SYNPR: variants seen among roughly 807,000 people sequenced by gnomAD.
SYNPR encodes synaptoporin.
SYNPR carries 23 observed loss-of-function variants against 32.9 expected under a neutral mutation model. The observed-to-expected ratio is 0.70, with a 90% CI of 0.50 to 0.99. SYNPR has a LOEUF of 0.99. SYNPR is among the 50% of genes least tolerant of loss of function. The probability of loss-of-function intolerance (pLI) is 0.00; values close to 1 mark genes in which losing one functional copy is unlikely to be tolerated. For missense variants in SYNPR, 318 were observed against 349.3 expected (o/e 0.91, Z 0.71); for synonymous variants, 146 against 135.9 (o/e 1.07, Z -0.52).
At chr3:63,241,405 C>A (rs1426777584) in intron 1 of SYNPR, among the ~76,000 whole-genome samples, 1 of 152,112 alleles carries the variant, frequency 6.6e-6, no homozygotes, top group Admixed American at 6.6e-5. Context: ...GGACTTCTTA[C>A]CAACCCCAGA....
In SYNPR at chr3:63,609,313, T is replaced by C. The variant is rs1324328357; in HGVS notation, c.597T>C (p.Ser199=). 4 of 1,563,960 alleles carry C rather than the reference T, an allele frequency of 2.6e-6. No individual in the cohort carries two copies. The highest frequency in any genetic ancestry group is 1.2e-5 in the South Asian group (1 of 83,260). Residue 199 remains serine (S), a synonymous_variant, in exon 5 of 6, where the codon TCT becomes TCC. Coordinates refer to ENST00000478300, the MANE Select transcript of SYNPR (RefSeq NM_001130003.2). ...HSPVMSSLNT[S]VVFGFLNFIL... Reference sequence around the variant, plus strand: ...CTGTTATGTCAAGCTTAAACACTTCTGTGGTAAGTATTTTTCATCTATGCT... The same window carrying C: ...CTGTTATGTCAAGCTTAAACACTTCCGTGGTAAGTATTTTTCATCTATGCT...
At chr3:63,409,280 C>A (rs552029155) in intron 2 of SYNPR, among the ~76,000 whole-genome samples, 13 of 152,074 alleles carry the variant, frequency 8.5e-5, no homozygotes, top group Admixed American at 7.9e-4. Context: ...AACTAAACAT[C>A]GATTTTTTTT....
At chr3:63,218,290 G>A in the SYNPR span, among the ~76,000 whole-genome samples, 1 of 152,156 alleles carries the variant, frequency 6.6e-6, no homozygotes, top group East Asian at 1.9e-4. Flanking sequence ...CCACACCAGC[G>A]TTTTGCTGTT....
chr3:63,222,313 A>G, the SYNPR span, among the ~76,000 whole-genome samples: 1 of 151,986 alleles, frequency 6.6e-6, no homozygotes, highest in African/African-American at 2.4e-5. Context: ...ATTTAGATAA[A>G]CTGATCCAGA....
At chr3:63,544,870 A>G (rs972090564) in intron 3 of SYNPR, among the ~76,000 whole-genome samples, 2 of 151,398 alleles carry the variant, frequency 1.3e-5, no homozygotes, top group Admixed American at 6.6e-5. Flanking sequence ...ATCTCATTCA[A>G]ACTTCACACA....
intron 2 of SYNPR, among the ~76,000 whole-genome samples, chr3:63,441,709 T>A (rs1279890973): frequency 6.6e-6 from 1 of 151,942 alleles, no homozygotes; most frequent in Non-Finnish European, 1.5e-5. Flanking sequence ...GAGGAAAAGG[T>A]TCCTATCAGA....
chr3:63,277,698 G>C (rs2086589790), upstream of SYNPR, among the ~76,000 whole-genome samples: 1 of 152,092 alleles, frequency 6.6e-6, no homozygotes, highest in South Asian at 2.1e-4. Flanking sequence ...CCTCTGTCCT[G>C]GTCCTCTCTC....
At chr3:63,252,385 T>C (rs2086340150) in intron 1 of SYNPR, 2 of 152,238 alleles carry the variant, frequency 1.3e-5, no homozygotes, top group Non-Finnish European at 1.5e-5. Context: ...ATTCCATTTA[T>C]GAAGCATTTA....
At chr3:63,409,992 G>A (rs2088440281) in intron 2 of SYNPR, among the ~76,000 whole-genome samples, 1 of 152,026 alleles carries the variant, frequency 6.6e-6, no homozygotes, top group African/African-American at 2.4e-5. Flanking sequence ...CCTGGGAAGA[G>A]GTGACATGGA....
At chr3:63,437,514 G>A (rs1700105693) in intron 2 of SYNPR, among the ~76,000 whole-genome samples, 1 of 151,542 alleles carries the variant, frequency 6.6e-6, no homozygotes, top group African/African-American at 2.4e-5. Context: ...TTGAAAAGAG[G>A]TAAACAAGGT....
intron 2 of SYNPR, among the ~76,000 whole-genome samples, chr3:63,307,573 C>G (rs1321797821): frequency 6.6e-6 from 1 of 151,954 alleles, no homozygotes; most frequent in Non-Finnish European, 1.5e-5. Context: ...CTTTGTCAGC[C>G]TGTAGCAGGC....
chr3:63,424,894 C>T (rs1699866321), intron 2 of SYNPR, among the ~76,000 whole-genome samples: 1 of 152,194 alleles, frequency 6.6e-6, no homozygotes, highest in African/African-American at 2.4e-5. Flanking sequence ...CAGACAAAGA[C>T]AGTAATCTTT....
chr3:63,541,619 A>C (rs898519905), intron 3 of SYNPR, among the ~76,000 whole-genome samples: 1 of 152,022 alleles, frequency 6.6e-6, no homozygotes, highest in Admixed American at 6.6e-5. Flanking sequence ...CTGCTAATAT[A>C]ATCCTCTTTT....
intron 2 of SYNPR, among the ~76,000 whole-genome samples, chr3:63,336,207 G>A (rs897906073): frequency 6.6e-6 from 1 of 151,904 alleles, no homozygotes; most frequent in African/African-American, 2.4e-5. Flanking sequence ...TTATAAAAGA[G>A]TATGTATAAT....
At chr3:63,585,992 A>T (rs1403982612) in intron 4 of SYNPR, among the ~76,000 whole-genome samples, 1 of 152,112 alleles carries the variant, frequency 6.6e-6, no homozygotes, top group Non-Finnish European at 1.5e-5. Context: ...TTTGTAATTC[A>T]AATGCAATAT....
chr3:63,471,681 G>A (rs760563056), intron 2 of SYNPR, among the ~76,000 whole-genome samples: 24 of 152,134 alleles, frequency 1.6e-4, no homozygotes, highest in African/African-American at 2.9e-4. Flanking sequence ...CATATTCCTC[G>A]CTTTTTTATG....
the SYNPR span, among the ~76,000 whole-genome samples, chr3:63,206,058 T>G: frequency 6.6e-6 from 1 of 152,216 alleles, no homozygotes; most frequent in African/African-American, 2.4e-5. Flanking sequence ...CTGTCAAATT[T>G]GTAGCCCCTG....
chr3:63,445,443 TC>T, intron 2 of SYNPR: 1 of 617,698 alleles, frequency 1.6e-6, no homozygotes, highest in Non-Finnish European at 2.9e-6. Context: ...AACCAGAAAA[TC>T]TGTCATAATC....
chr3:63,383,385 G>T (rs1033543208), intron 2 of SYNPR, among the ~76,000 whole-genome samples: 5 of 152,074 alleles, frequency 3.3e-5, no homozygotes, highest in Non-Finnish European at 7.4e-5. Context: ...AAGCAGACAA[G>T]TCACTCCACC....
Sources: allele counts gnomAD v4.1 joint callset (sites outside exome capture counted in the v4.1 genomes callset), GRCh38; gene constraint gnomAD v4.1.1; transcripts MANE v1.5; gene names NCBI Gene and HGNC (gene_info 2026-07-23, HGNC 2026-07-21).